The following PLEKHA7 variants were observed in gnomAD, a reference collection of about 807,000 sequenced individuals.
The protein encoded by PLEKHA7 is pleckstrin homology domain containing A7, also known as pleckstrin homology domain-containing family A member 7.
Under a neutral mutation model 170.0 loss-of-function variants are expected in PLEKHA7, and 104 were observed. The ratio of observed to expected loss-of-function variants is 0.61; its 90% CI spans 0.52 to 0.72. PLEKHA7 has a LOEUF of 0.72. PLEKHA7 is among the 30% of genes least tolerant of loss of function. The probability of loss-of-function intolerance (pLI) is 0.00; values close to 1 mark genes in which losing one functional copy is unlikely to be tolerated. For missense variants in PLEKHA7, 1,615 were observed against 1,671.7 expected, an observed-to-expected ratio of 0.97 and a Z score of 0.59; for synonymous variants, 648 against 660.8, an observed-to-expected ratio of 0.98 and a Z score of 0.30.
intron 10 of PLEKHA7, among the ~76,000 whole-genome samples, chr11:16,819,712 T>C (rs191864646): frequency 2.0e-5 from 3 of 152,296 alleles, no homozygotes; most frequent in South Asian, 2.1e-4. Flanking sequence ...ACAAATACCG[T>C]GTATGACCTC....
intron 3 of PLEKHA7, among the ~76,000 whole-genome samples, chr11:16,942,570 T>TCTCACACACTAGTATCCCAAA (rs1303602281): frequency 6.6e-6 from 1 of 152,212 alleles, no homozygotes; most frequent in Non-Finnish European, 1.5e-5. Flanking sequence ...CCCAGCTGTG[T>TCTCACACACTAGTATCCCAAA]CTCACACACT....
chr11:16,924,453 C>T (rs1859338643), intron 3 of PLEKHA7, among the ~76,000 whole-genome samples: 2 of 152,166 alleles, frequency 1.3e-5, no homozygotes, highest in South Asian at 2.1e-4. Flanking sequence ...CAGACTCTAC[C>T]TGCTGAGAGG....
chr11:16,975,398 A>C (rs1242683518), intron 3 of PLEKHA7, among the ~76,000 whole-genome samples: 1 of 152,220 alleles, frequency 6.6e-6, no homozygotes, highest in East Asian at 1.9e-4. Flanking sequence ...ATCGTAATTC[A>C]ACTGTATAAT....
chr11:16,811,371 G>A (rs1590194044), intron 13 of PLEKHA7, among the ~76,000 whole-genome samples: 1 of 152,222 alleles, frequency 6.6e-6, no homozygotes. Flanking sequence ...TGCTCTACAG[G>A]TATGTCTGAG....
At chr11:16,831,539 C>T (rs1192813832) in intron 9 of PLEKHA7, among the ~76,000 whole-genome samples, 3 of 152,204 alleles carry the variant, frequency 2.0e-5, no homozygotes, top group Non-Finnish European at 4.4e-5. Flanking sequence ...GTCATTGCTA[C>T]GATCGTGAAC....
chr11:16,895,429 C>T (rs1565085378), intron 3 of PLEKHA7, among the ~76,000 whole-genome samples: 1 of 152,228 alleles, frequency 6.6e-6, no homozygotes, highest in Non-Finnish European at 1.5e-5. Context: ...CCTTTGGCAA[C>T]AGCTGCACAT....
chr11:16,954,735 G>A (rs899971765), intron 3 of PLEKHA7, among the ~76,000 whole-genome samples: 4 of 150,712 alleles, frequency 2.7e-5, no homozygotes, highest in Admixed American at 1.3e-4. Context: ...CTGTCACCCA[G>A]GCTGGAGTGC....
chr11:16,798,030 C>T (rs1848354473), intron 17 of PLEKHA7, among the ~76,000 whole-genome samples: 1 of 152,242 alleles, frequency 6.6e-6, no homozygotes, highest in Non-Finnish European at 1.5e-5. Flanking sequence ...CCTCCCACCA[C>T]ACTGGGTAGA....
At chr11:16,892,619 C>CT (rs10674972) in intron 3 of PLEKHA7, among the ~76,000 whole-genome samples, 19,757 of 81,930 alleles carry the variant, frequency 0.24, 2,804 homozygotes, top group East Asian at 0.57. Flanking sequence ...CTTCCAGCTT[C>CT]TTTTTTTTTT....
At chr11:16,999,670 AAG>A (rs991930551) in intron 3 of PLEKHA7, among the ~76,000 whole-genome samples, 1 of 152,212 alleles carries the variant, frequency 6.6e-6, no homozygotes, top group Non-Finnish European at 1.5e-5. Context: ...TCTACAAGGA[AAG>A]AGACTCACAA....
chr11:16,900,747 A>G (rs1857274738), intron 3 of PLEKHA7, among the ~76,000 whole-genome samples: 1 of 152,004 alleles, frequency 6.6e-6, no homozygotes, highest in African/African-American at 2.4e-5. Context: ...ATGGACAAAC[A>G]CTCATGAGAT....
chr11:16,826,685 C>A (rs780972512), intron 9 of PLEKHA7, 95 bp from the exon 10 acceptor site: 15 of 1,112,404 alleles, frequency 1.3e-5, no homozygotes, highest in East Asian at 2.4e-5. Flanking sequence ...TTTGCACAGG[C>A]TATTCCCTCT....
chr11:16,861,299 G>A (rs1303489593), intron 4 of PLEKHA7, among the ~76,000 whole-genome samples: 5 of 151,650 alleles, frequency 3.3e-5, no homozygotes, highest in Non-Finnish European at 7.4e-5. Flanking sequence ...GCTGAGGCAG[G>A]AGGATCATCT....
In PLEKHA7 at chr11:16,789,590, G is replaced by T; in HGVS notation, c.3156+185C>A. 1 of 635,020 alleles carries T rather than the reference G, an allele frequency of 1.6e-6. No individual in the cohort carries two copies. The highest frequency in any genetic ancestry group is 2.7e-6 in the Non-Finnish European group (1 of 368,012). 39.3% of individuals were successfully genotyped at this position (635,020 alleles called of 1,614,324 possible). On this transcript the variant is annotated intron_variant, in intron 22 of 26. Transcript: ENST00000531066. This position sits in a 1 kb window ranked among gnomAD's most constrained non-coding sequence, Gnocchi z 4.6. ...TGAGCTCCCTCCTGCCACCCTGACA[G>T]GCCAGAGAGAAAGGCAGGATGCCCT...
chr11:16,807,300 T>C (rs1175125425), intron 13 of PLEKHA7: 1 of 624,682 alleles, frequency 1.6e-6, no homozygotes, highest in Non-Finnish European at 2.0e-6. Context: ...CAGCCAGAAT[T>C]TGGGGAACTG....
chr11:16,994,518 G>T (rs950163516), intron 3 of PLEKHA7, among the ~76,000 whole-genome samples: 1 of 152,106 alleles, frequency 6.6e-6, no homozygotes, highest in Non-Finnish European at 1.5e-5. Context: ...ACATAGGTGG[G>T]GGCTGGAGTC....
rs1258905768 is a variant in PLEKHA7, at chr11:16,778,270, CA to C, written c.*727del. 378 of 140,932 alleles carry C rather than the reference CA, an allele frequency of 2.7e-3. 1 individual carries two copies. The highest frequency in any genetic ancestry group is 3.0e-3 in the African/African-American group (115 of 38,298). The allele number at this position is 140,932 out of a possible 1,614,324, so 8.7% of individuals were successfully genotyped here. On this transcript the variant is annotated 3_prime_UTR_variant, in exon 27 of 27. Coordinates refer to ENST00000531066, the MANE Select transcript of PLEKHA7 (RefSeq NM_001329630.2). ...GGGCAACAAGAGTGAAACTCCATCT[CA>C]AAAAAAAAAAAAGATAGCAAACTGC...
At chr11:16,977,971 C>T (rs1863177892) in intron 3 of PLEKHA7, among the ~76,000 whole-genome samples, 1 of 152,146 alleles carries the variant, frequency 6.6e-6, no homozygotes, top group African/African-American at 2.4e-5. Context: ...CTTTCCCTCC[C>T]CCTTTGCCAC....
At chr11:16,913,658 G>C (rs35109048) in intron 3 of PLEKHA7, among the ~76,000 whole-genome samples, 18,095 of 152,246 alleles carry the variant, frequency 0.12, 1,266 homozygotes, top group Admixed American at 0.17. Context: ...TCCTGACAGA[G>C]AGAGAAGCAC....
Sources: allele counts gnomAD v4.1 joint callset (sites outside exome capture counted in the v4.1 genomes callset), GRCh38; gene constraint gnomAD v4.1.1; non-coding constraint Gnocchi (gnomAD v3.1); transcripts MANE v1.5; gene names NCBI Gene and HGNC (gene_info 2026-07-23, HGNC 2026-07-21).